Variants in TMPRSS11A observed in about 807,000 individuals in gnomAD.
TMPRSS11A encodes transmembrane serine protease 11A.
TMPRSS11A carries 53 observed loss-of-function variants against 58.9 expected under a neutral mutation model. The ratio of observed to expected loss-of-function variants is 0.90; its 90% CI spans 0.72 to 1.13. TMPRSS11A has a LOEUF of 1.13. TMPRSS11A is among the 50% of genes most tolerant of loss of function. The pLI, the probability that TMPRSS11A is intolerant of heterozygous loss-of-function variation, is 0.00. For synonymous variants in TMPRSS11A, 167 were observed against 169.8 expected (o/e 0.98, Z 0.13); for missense variants, 493 against 499.3 (o/e 0.99, Z 0.12).
intron 3 of TMPRSS11A, among the ~76,000 whole-genome samples, chr4:67,938,707 T>G (rs902316482): frequency 2.0e-5 from 3 of 152,320 alleles, no homozygotes; most frequent in African/African-American, 7.2e-5. Context: ...TTATTGAATA[T>G]CTGATGGCTG....
At chr4:67,927,504 C>A (rs1042201992) in intron 5 of TMPRSS11A, among the ~76,000 whole-genome samples, 3 of 152,222 alleles carry the variant, frequency 2.0e-5, no homozygotes, top group Non-Finnish European at 2.9e-5. Context: ...AGTGGCCAGA[C>A]CCTGTGCTCG....
Position 67,922,123 on chromosome 4 carries a change from T to C in TMPRSS11A, c.692+632A>G, listed in dbSNP as rs547249430. On this transcript the variant is annotated intron_variant, in intron 7 of 9. Transcript: ENST00000508048. The stretch of plus-strand genomic sequence containing the variant: ...ACTATTGTGAAGAGATGCTCTATTA[T>C]GGGAAGGTCACATTGAGTGGCCCAA... 3.3e-5 allele frequency among the ~76,000 whole-genome samples: 5 copies of C among 152,358 alleles called. No individual in the cohort carries two copies. In the South Asian group the frequency reaches 1.0e-3, roughly 32 times the overall value.
rs547793235 is a variant in TMPRSS11A, at chr4:67,931,264, C to T, written c.320+729G>A. Among the ~76,000 whole-genome samples the T allele has an allele frequency of 2.1e-4, 32 of 152,170 alleles. No individual in the cohort carries two copies. In the South Asian group the frequency reaches 6.0e-3, roughly 29 times the overall value. On this transcript the variant is annotated intron_variant, in intron 4 of 9. Transcript: ENST00000508048. Reference sequence around the variant, plus strand: ...AAGACATAGAGAACTTTGAGTACACCTGCCAACAAAGCATTATTAGTCTAT... The same window carrying T: ...AAGACATAGAGAACTTTGAGTACACTTGCCAACAAAGCATTATTAGTCTAT...
At position 67,956,908 on chromosome 4, in the gene TMPRSS11A, C is replaced by A. The variant is rs115403358; in HGVS notation, c.11+6475G>T. 3.7e-3 allele frequency among the ~76,000 whole-genome samples: 565 copies of A among 152,224 alleles called. 7 individuals are homozygous for A. The highest frequency in any genetic ancestry group is 0.013 in the African/African-American group (541 of 41,530). ...CATATGTTGTGTTGTGGGAGAGACC[C>A]AATGGGAGGTAATTGAATCATGGAG... On this transcript the variant is annotated intron_variant, in intron 1 of 9. Coordinates refer to ENST00000508048, the MANE Select transcript of TMPRSS11A (RefSeq NM_001114387.2).
chr4:67,942,000 G>T (rs73823372), intron 3 of TMPRSS11A, among the ~76,000 whole-genome samples: 5,790 of 152,160 alleles, frequency 0.038, 268 homozygotes, highest in African/African-American at 0.11. Flanking sequence ...AAAATGTAAA[G>T]AACTTCTGCA....
chr4:67,944,937 G>T (rs1422649522), intron 2 of TMPRSS11A, among the ~76,000 whole-genome samples: 19 of 152,136 alleles, frequency 1.2e-4, no homozygotes, highest in Admixed American at 1.2e-3. Context: ...AGGCACAGAG[G>T]CATTAAGTAA....
chr4:67,943,059 C>A (rs1015495694), intron 3 of TMPRSS11A, among the ~76,000 whole-genome samples: 2 of 151,984 alleles, frequency 1.3e-5, no homozygotes, highest in Admixed American at 1.3e-4. Flanking sequence ...AGGGCTTATG[C>A]TATGGTGATA....
chr4:67,962,106 T>G (rs1721443843), intron 1 of TMPRSS11A, among the ~76,000 whole-genome samples: 1 of 152,154 alleles, frequency 6.6e-6, no homozygotes, highest in African/African-American at 2.4e-5. Context: ...AATTATTAAT[T>G]TTTAAAATAA....
intron 3 of TMPRSS11A, among the ~76,000 whole-genome samples, chr4:67,938,404 A>G (rs1720804509): frequency 6.6e-6 from 1 of 152,116 alleles, no homozygotes; most frequent in African/African-American, 2.4e-5. Context: ...GAAGTTCTTT[A>G]GTTTAATTAG....
At chr4:67,935,946 G>T (rs187155047) in intron 3 of TMPRSS11A, among the ~76,000 whole-genome samples, 2 of 152,172 alleles carry the variant, frequency 1.3e-5, no homozygotes, top group East Asian at 3.9e-4. Flanking sequence ...TGCCATATAT[G>T]CACCAAGCAC....
At chr4:67,937,912 G>T (rs140129911) in intron 3 of TMPRSS11A, among the ~76,000 whole-genome samples, 149 of 152,026 alleles carry the variant, frequency 9.8e-4, no homozygotes, top group Middle Eastern at 3.4e-3. Context: ...TACTCCTTTG[G>T]GTATACACCC....
chr4:67,920,549 A>ATATATTT (rs371252656), intron 7 of TMPRSS11A, among the ~76,000 whole-genome samples: 47 of 130,890 alleles, frequency 3.6e-4, no homozygotes, highest in Admixed American at 7.5e-4. Context: ...ATATATATAT[A>ATATATTT]TTTTTTTTTA....
chr4:67,955,068 G>A (rs1721252896), intron 1 of TMPRSS11A, among the ~76,000 whole-genome samples: 1 of 152,156 alleles, frequency 6.6e-6, no homozygotes, highest in Non-Finnish European at 1.5e-5. Flanking sequence ...TTTGATGACA[G>A]TAGCACTTTA....
At chr4:67,923,357 G>C (rs928071447) in intron 6 of TMPRSS11A, among the ~76,000 whole-genome samples, 9 of 152,176 alleles carry the variant, frequency 5.9e-5, no homozygotes, top group Non-Finnish European at 1.2e-4. Flanking sequence ...AAAATACTTA[G>C]GGTGTTTGCA....
intron 1 of TMPRSS11A, among the ~76,000 whole-genome samples, chr4:67,954,492 C>T (rs185250288): frequency 1.8e-4 from 28 of 152,342 alleles, no homozygotes; most frequent in African/African-American, 6.5e-4. Context: ...CCTGCCCTCA[C>T]TCAGTTAAAG....
At chr4:67,943,562 G>A (rs932806117) in intron 3 of TMPRSS11A, among the ~76,000 whole-genome samples, 1 of 152,106 alleles carries the variant, frequency 6.6e-6, no homozygotes, top group Non-Finnish European at 1.5e-5. Context: ...AGAACTGATT[G>A]CAAATGCTCT....
At chr4:67,914,451 G>A in intron 9 of TMPRSS11A, 137 bp downstream of exon 9, 2 of 697,978 alleles carry the variant, frequency 2.9e-6, no homozygotes, top group South Asian at 2.0e-5. Flanking sequence ...AGTATTTTGT[G>A]CTGTGAAATT....
At chr4:67,942,701 A>G (rs1720908367) in intron 3 of TMPRSS11A, among the ~76,000 whole-genome samples, 1 of 152,182 alleles carries the variant, frequency 6.6e-6, no homozygotes. Context: ...AAGTATATGT[A>G]CATTCAATGA....
Position 67,944,491 on chromosome 4 carries a change from A to G in TMPRSS11A, c.252+28T>C, listed in dbSNP as rs774654176. 5.0e-6 allele frequency: 8 copies of G among 1,597,330 alleles called. No individual in the cohort carries two copies. The East Asian group carries it at 1.6e-4, about 31-fold the overall frequency. On this transcript the variant is annotated intron_variant, in intron 3 of 9. Transcript: ENST00000508048. The stretch of plus-strand genomic sequence containing the variant: ...AAATCCCTTCCACTTGCATTATTCT[A>G]TGATAAAAAGAAGTTTACCTGACTC...
Sources: allele counts gnomAD v4.1 joint callset (sites outside exome capture counted in the v4.1 genomes callset), GRCh38; gene constraint gnomAD v4.1.1; transcripts MANE v1.5; gene names NCBI Gene and HGNC (gene_info 2026-07-23, HGNC 2026-07-21).